The following HMCES variants were observed in gnomAD, a reference collection of about 807,000 sequenced individuals.
HMCES encodes the protein abasic site processing protein HMCES.
Under a neutral mutation model 35.1 loss-of-function variants are expected in HMCES, and 27 were observed. The ratio of observed to expected loss-of-function variants is 0.77; its 90% CI spans 0.57 to 1.06. The LOEUF (loss-of-function observed/expected upper bound fraction) is 1.06. Ranked by LOEUF, HMCES falls within the 50% of genes least tolerant of loss-of-function variation. The pLI is 0.00. For missense variants in HMCES, 391 were observed against 430.4 expected (o/e 0.91, Z 0.81); for synonymous variants, 130 against 154.7 (o/e 0.84, Z 1.18).
chr3:129,299,804 G>T (rs186422807), intron 5 of HMCES, among the ~76,000 whole-genome samples: 1 of 151,508 alleles, frequency 6.6e-6, no homozygotes, highest in South Asian at 2.1e-4. Context: ...GGCACACGCC[G>T]CCACGCCTGG....
intron 4 of HMCES, among the ~76,000 whole-genome samples, chr3:129,296,399 T>C (rs2071093384): frequency 6.6e-6 from 1 of 152,196 alleles, no homozygotes; most frequent in South Asian, 2.1e-4. Flanking sequence ...GTCTTTCTTA[T>C]AGTTTCTGTC....
intron 4 of HMCES, among the ~76,000 whole-genome samples, chr3:129,296,161 A>G: frequency 6.6e-6 from 1 of 152,090 alleles, no homozygotes; most frequent in Non-Finnish European, 1.5e-5. Flanking sequence ...CCCAGGTTCA[A>G]ACAATTCTGC....
In HMCES at chr3:129,279,990, T is replaced by TCA; in HGVS notation, c.183+76_183+77dup. The TCA allele has an allele frequency of 7.7e-7, 1 of 1,303,454 alleles. No individual in the cohort carries two copies. The highest frequency in any genetic ancestry group is 2.6e-5 in the East Asian group (1 of 38,290). The allele number at this position is 1,303,454 out of a possible 1,614,324, so 80.7% of individuals were successfully genotyped here. On this transcript the variant is annotated intron_variant, in intron 2 of 6. Coordinates refer to ENST00000383463, the MANE Select transcript of HMCES (RefSeq NM_020187.3). This position sits in a 1 kb window ranked among gnomAD's most constrained non-coding sequence, Gnocchi z 4.2. Reference sequence around the variant, plus strand: ...ATCTCCTATTTGGTTTGGTGTGTGCTCAGCCTCTTGGGATGACATTAAAAA... The same window carrying TCA: ...ATCTCCTATTTGGTTTGGTGTGTGCTCACAGCCTCTTGGGATGACATTAAAAA...
rs762095943 is a variant in HMCES at position 129,290,700 on chromosome 3, C to G, written c.349C>G (p.Arg117Gly). ...SFKVPLGKGR[R>G]CVVLADGFYE... Reference sequence around the variant, plus strand: ...TCAGGTGCCTCTGGGAAAGGGAAGACGCTGTGTCGTTTTAGCAGATGGATT... The same window carrying G: ...TCAGGTGCCTCTGGGAAAGGGAAGAGGCTGTGTCGTTTTAGCAGATGGATT... Residue 117 changes from arginine (R) to glycine (G), a missense_variant, in exon 4 of 7, where the codon CGC becomes GGC. Transcript: ENST00000383463. 24 of 1,613,236 alleles carry G rather than the reference C, an allele frequency of 1.5e-5. No homozygotes were observed. In the African/African-American group the frequency reaches 2.9e-4, roughly 20 times the overall value.
intron 5 of HMCES, among the ~76,000 whole-genome samples, chr3:129,299,981 A>G: frequency 6.6e-6 from 1 of 151,514 alleles, no homozygotes. Flanking sequence ...TTGTAGCATC[A>G]TCACTGATGT....
chr3:129,281,207 C>T (rs918301648), intron 2 of HMCES, among the ~76,000 whole-genome samples: 10 of 151,344 alleles, frequency 6.6e-5, no homozygotes, highest in Middle Eastern at 3.4e-3. Flanking sequence ...GGCGGCAGAG[C>T]GAGACTCCAT....
intron 2 of HMCES, among the ~76,000 whole-genome samples, chr3:129,283,391 G>A (rs965962877): frequency 4.0e-5 from 6 of 150,646 alleles, no homozygotes; most frequent in African/African-American, 1.5e-4. Flanking sequence ...GAGTGCAGTG[G>A]CGCAATCATG....
chr3:129,285,836 T>C (rs1333278148), intron 2 of HMCES, among the ~76,000 whole-genome samples: 3 of 151,482 alleles, frequency 2.0e-5, no homozygotes, highest in African/African-American at 7.3e-5. Context: ...CTCAAGCAAT[T>C]CTCATGCCTC....
intron 4 of HMCES, among the ~76,000 whole-genome samples, chr3:129,295,963 T>C (rs1220447556): frequency 6.6e-6 from 1 of 152,180 alleles, no homozygotes. Context: ...TAATGACACA[T>C]GTGTTAGATG....
chr3:129,291,649 T>C (rs2071017026), intron 4 of HMCES, among the ~76,000 whole-genome samples: 1 of 152,260 alleles, frequency 6.6e-6, no homozygotes, highest in Non-Finnish European at 1.5e-5. Flanking sequence ...TTGGTTATTA[T>C]GAATAATGCT....
At chr3:129,280,040 C>A in intron 2 of HMCES, 125 bp downstream of exon 2, 1 of 770,764 alleles carries the variant, frequency 1.3e-6, no homozygotes. Context: ...TATATTCTGA[C>A]TTCCAGTTGA....
At chr3:129,281,739 CT>C (rs764505064) in intron 2 of HMCES, among the ~76,000 whole-genome samples, 4 of 151,804 alleles carry the variant, frequency 2.6e-5, no homozygotes, top group Non-Finnish European at 4.4e-5. Flanking sequence ...TGGCTCACGC[CT>C]GTAATCTCAG....
chr3:129,281,894 T>C (rs1940500143), intron 2 of HMCES, among the ~76,000 whole-genome samples: 1 of 129,098 alleles, frequency 7.7e-6, no homozygotes, highest in Non-Finnish European at 1.5e-5. Context: ...GCCACTGCAC[T>C]CCAGCCTGGG....
rs1940385681 is a variant in HMCES, at chr3:129,279,273, GGGCCGTCCAGTGGC to G, written c.-24+369_-24+382del. The G allele has an allele frequency of 6.0e-6, 1 of 167,000 alleles. No individual in the cohort carries two copies. The highest frequency in any genetic ancestry group is 2.4e-5 in the African/African-American group (1 of 41,514). 10.3% of individuals were successfully genotyped at this position (167,000 alleles called of 1,614,324 possible). ...GGCGGGGATTCTGCACCCCGGCCCC[GGGCCGTCCAGTGGC>G]CGCCCTCGAGGTGACCGGTTGCTGG... On this transcript the variant is annotated intron_variant, in intron 1 of 6. Transcript: ENST00000383463. The surrounding 1 kb of genome is among the most constrained non-coding windows in gnomAD (Gnocchi z 4.2).
intron 4 of HMCES, among the ~76,000 whole-genome samples, chr3:129,293,785 C>G (rs2071054216): frequency 6.6e-6 from 1 of 151,942 alleles, no homozygotes; most frequent in East Asian, 1.9e-4. Context: ...CCAGGCTGGT[C>G]TCTAACTCCT....
chr3:129,304,533 G>A, intron 6 of HMCES, 56 bp from the exon 7 acceptor site: 1 of 1,450,210 alleles, frequency 6.9e-7, no homozygotes, highest in Non-Finnish European at 9.6e-7. Flanking sequence ...CCTTGGACTT[G>A]GCCTTTTCCC....
At chr3:129,294,145 G>A (rs10934879) in intron 4 of HMCES, among the ~76,000 whole-genome samples, 6,105 of 152,064 alleles carry the variant, frequency 0.04, 320 homozygotes, top group African/African-American at 0.11. Context: ...TAGGCCGGGC[G>A]CAGTGGCTTA....
At chr3:129,294,422 C>CA (rs1280364959) in intron 4 of HMCES, among the ~76,000 whole-genome samples, 1 of 151,580 alleles carries the variant, frequency 6.6e-6, no homozygotes, top group African/African-American at 2.4e-5. Context: ...GACTCCGTCT[C>CA]AAAAAAAATA....
chr3:129,305,140 C>CCTG lies in HMCES; in HGVS notation c.*315_*316insCTG. 2.7e-6 allele frequency: 1 copy of CCTG among 376,494 alleles called. No homozygotes were observed. Among genetic ancestry groups the CCTG allele is most frequent in the Non-Finnish European group, 4.8e-6 (1 of 208,678 alleles). 23.3% of individuals were successfully genotyped at this position (376,494 alleles called of 1,614,324 possible). ...CTTACCCAGCTGGGAAGTCTCTGCC[C>CCTG]TGATCTGGTACTCCTTGTAGTAAGC... is the stretch of plus-strand genomic sequence containing the variant. On this transcript the variant is annotated 3_prime_UTR_variant, in exon 7 of 7. Coordinates refer to ENST00000383463, the MANE Select transcript of HMCES (RefSeq NM_020187.3).
Sources: gnomAD v4.1 joint callset for allele counts (sites outside exome capture counted in the v4.1 genomes callset) on GRCh38, gnomAD v4.1.1 for gene constraint, Gnocchi (gnomAD v3.1) non-coding constraint, MANE v1.5 for transcripts, NCBI Gene and HGNC (gene_info 2026-07-23, HGNC 2026-07-21) for gene names.